The following DBNDD1 variants were observed in gnomAD, a reference collection of about 807,000 sequenced individuals.
The protein encoded by DBNDD1 is dysbindin domain-containing protein 1.
DBNDD1 carries 14 observed loss-of-function variants against 17.0 expected under a neutral mutation model. That is an observed-to-expected ratio of 0.82 (90% CI 0.54 to 1.29). DBNDD1 has a LOEUF of 1.29. Among genes scored for constraint, DBNDD1 ranks in the 50% most tolerant of loss-of-function variants. The probability of loss-of-function intolerance (pLI) is 0.00; values close to 1 mark genes in which losing one functional copy is unlikely to be tolerated. For synonymous variants in DBNDD1, 105 were observed against 102.0 expected, an observed-to-expected ratio of 1.03 and a Z score of -0.18; for missense variants, 221 against 216.2, an observed-to-expected ratio of 1.02 and a Z score of -0.14.
At chr16:90,018,767 T>G (rs968626136) in intron 1 of DBNDD1, among the ~76,000 whole-genome samples, 12 of 152,218 alleles carry the variant, frequency 7.9e-5, no homozygotes, top group Admixed American at 2.6e-4. Flanking sequence ...CAGCCACCCT[T>G]GCAGCTCTGG....
chr16:90,006,259 G>C lies in DBNDD1; in HGVS notation c.*76C>G. ...CCTCGTGGGCGGGTGAAGTGTGTCT[G>C]CTGGGTCAGCACTGCCCAGATCTGC... On this transcript the variant is annotated 3_prime_UTR_variant, in exon 4 of 4. Coordinates refer to ENST00000002501, the MANE Select transcript of DBNDD1 (RefSeq NM_001042610.3). 6.7e-7 allele frequency: 1 copy of C among 1,501,292 alleles called. No homozygotes were observed. The highest frequency in any genetic ancestry group is 8.9e-7 in the Non-Finnish European group (1 of 1,118,146). 93.0% of individuals were successfully genotyped at this position (1,501,292 alleles called of 1,614,324 possible). A position where few individuals can be genotyped will look rare whatever the true frequency, so the allele number is the denominator to read the frequency against.
chr16:90,010,714 T>C (rs1161303038), intron 1 of DBNDD1, among the ~76,000 whole-genome samples: 2 of 152,152 alleles, frequency 1.3e-5, no homozygotes, highest in Non-Finnish European at 2.9e-5. Context: ...CCGGGGACAT[T>C]GGCGAGTCTT....
Position 90,008,851 on chromosome 16 carries a change from C to T in DBNDD1, c.252G>A (p.Ser84=), listed in dbSNP as rs769927804. 32 of 1,603,624 alleles carry T rather than the reference C, an allele frequency of 2.0e-5. No homozygotes were observed. Among genetic ancestry groups the T allele is most frequent in the Admixed American group, 1.8e-4 (11 of 59,538 alleles). The change falls in exon 3 of 4, where the codon TCG becomes TCA. Residue 84 remains serine, a synonymous_variant. Coordinates refer to ENST00000002501, the MANE Select transcript of DBNDD1 (RefSeq NM_001042610.3). ...LLDLTELTDM[S]DQELAEVFAD... ...CAAAGACCTCGGCCAGCTCCTGGTCCGACATGTCGGTGAGCTCAGTGAGGT... is the reference window on the plus strand; with the variant it reads ...CAAAGACCTCGGCCAGCTCCTGGTCTGACATGTCGGTGAGCTCAGTGAGGT...
At chr16:90,006,709 G>T (rs983347014) in intron 3 of DBNDD1, 1 of 632,886 alleles carries the variant, frequency 1.6e-6, no homozygotes, top group Non-Finnish European at 2.7e-6. Context: ...GGCCTGGGCA[G>T]GGTCTTTTCT....
intron 1 of DBNDD1, among the ~76,000 whole-genome samples, chr16:90,016,144 C>T (rs1402183185): frequency 6.6e-6 from 1 of 152,138 alleles, no homozygotes; most frequent in East Asian, 1.9e-4. Flanking sequence ...AGCCCCAGAG[C>T]AGGCTGGGAC....
intron 1 of DBNDD1, chr16:90,011,471 G>A (rs2035553948): frequency 5.7e-6 from 2 of 348,774 alleles, no homozygotes; most frequent in Admixed American, 3.5e-5. Context: ...GTGGTTGTGG[G>A]CAGGTGGCCT....
chr16:90,014,514 G>T (rs12920256), intron 1 of DBNDD1, among the ~76,000 whole-genome samples: 119,963 of 151,640 alleles, frequency 0.79, 48,411 homozygotes, highest in South Asian at 0.89. Flanking sequence ...TGAGATGGAG[G>T]TCCCAAGCAG....
Position 90,014,324 on chromosome 16 carries a change from T to A in DBNDD1, c.32-4894A>T, listed in dbSNP as rs563727157. Among the ~76,000 whole-genome samples, 59 of 152,026 alleles carry A rather than the reference T, an allele frequency of 3.9e-4. 1 individual carries two copies. In the East Asian group the frequency reaches 5.3e-3, roughly 14 times the overall value. ...GTATCTTTAGTAGAGATGGGGTTTC[T>A]CCCTGTTGGCCAGGCTGGTCTTGAA... is the stretch of plus-strand genomic sequence containing the variant. On this transcript the variant is annotated intron_variant, in intron 1 of 3. Transcript: ENST00000002501.
intron 1 of DBNDD1, among the ~76,000 whole-genome samples, chr16:90,015,914 TTAGA>T (rs1002185807): frequency 3.3e-4 from 50 of 152,204 alleles, no homozygotes; most frequent in Admixed American, 8.5e-4. Flanking sequence ...TATTATAAAA[TTAGA>T]TAGTGGTGGT....
Position 90,019,236 on chromosome 16 carries a change from G to A in DBNDD1, c.31+75C>T. 2 of 765,922 alleles carry A rather than the reference G, an allele frequency of 2.6e-6. No homozygotes were observed. Among genetic ancestry groups the A allele is most frequent in the Non-Finnish European group, 3.5e-6 (2 of 567,478 alleles). The allele number at this position is 765,922 out of a possible 1,614,324, so 47.4% of individuals were successfully genotyped here. ...GACTCCCGGGAGCGGCGAAGGGTGA[G>A]CCCTGGGGGGAGGGGCTGCGGCTCG... On this transcript the variant is annotated intron_variant, in intron 1 of 3. Transcript: ENST00000002501. This position sits in a 1 kb window ranked among gnomAD's most constrained non-coding sequence, Gnocchi z 6.1.
intron 1 of DBNDD1, among the ~76,000 whole-genome samples, chr16:90,014,733 G>C (rs529850309): frequency 6.6e-6 from 1 of 152,072 alleles, no homozygotes; most frequent in African/African-American, 2.4e-5. Context: ...GGCCGGGCGC[G>C]GTGGCTCACG....
At chr16:90,010,244 C>G (rs1288748449) in intron 1 of DBNDD1, 1 of 503,254 alleles carries the variant, frequency 2.0e-6, no homozygotes, top group Non-Finnish European at 3.5e-6. Context: ...CGGGGTTTCA[C>G]CATGTTGGCC....
Position 90,019,264 on chromosome 16 carries a change from GC to G in DBNDD1, c.31+46del. 9.1e-7 allele frequency: 1 copy of G among 1,100,398 alleles called. No homozygotes were observed. The highest frequency in any genetic ancestry group is 1.1e-6 in the Non-Finnish European group (1 of 871,216). The allele number at this position is 1,100,398 out of a possible 1,614,324, so 68.2% of individuals were successfully genotyped here. On this transcript the variant is annotated intron_variant, in intron 1 of 3. Coordinates refer to ENST00000002501, the MANE Select transcript of DBNDD1 (RefSeq NM_001042610.3). The surrounding 1 kb of genome is among the most constrained non-coding windows in gnomAD (Gnocchi z 6.1). ...CTGGGGGGAGGGGCTGCGGCTCGCT[GC>G]GGGGAAGCGCTGCGCGGGGGTCTCG...
intron 1 of DBNDD1, among the ~76,000 whole-genome samples, chr16:90,017,207 C>A (rs1330191900): frequency 6.6e-6 from 1 of 152,234 alleles, no homozygotes; most frequent in Non-Finnish European, 1.5e-5. Context: ...TTATAAAAAT[C>A]CTATTTTGCC....
rs2035528445 is a variant in DBNDD1 at position 90,010,281 on chromosome 16, C to T, written c.32-851G>A. ...GGCTGAACTCCTGACCTCAGGTGATCCGCCCGCCTCAGCCTCCCAAAGTGC... is the reference window on the plus strand; with the variant it reads ...GGCTGAACTCCTGACCTCAGGTGATTCGCCCGCCTCAGCCTCCCAAAGTGC... On this transcript the variant is annotated intron_variant, in intron 1 of 3. Coordinates refer to ENST00000002501, the MANE Select transcript of DBNDD1 (RefSeq NM_001042610.3). 5 of 394,832 alleles carry T rather than the reference C, an allele frequency of 1.3e-5. No homozygotes were observed. The South Asian group carries it at 1.7e-4, about 13-fold the overall frequency. The allele number at this position is 394,832 out of a possible 1,614,324, so 24.5% of individuals were successfully genotyped here.
chr16:90,011,068 G>A (rs150246110), intron 1 of DBNDD1, among the ~76,000 whole-genome samples: 1,884 of 152,364 alleles, frequency 0.012, 14 homozygotes, highest in Admixed American at 0.019. Flanking sequence ...CCCAGCGCAC[G>A]CTTGTCAGAT....
intron 1 of DBNDD1, among the ~76,000 whole-genome samples, chr16:90,013,726 C>T (rs144752073): frequency 9.2e-5 from 14 of 152,322 alleles, no homozygotes; most frequent in African/African-American, 3.4e-4. Flanking sequence ...CATTCATTCA[C>T]CCAACCAAGA....
intron 1 of DBNDD1, among the ~76,000 whole-genome samples, chr16:90,016,136 C>G (rs1186016291): frequency 6.6e-6 from 1 of 152,188 alleles, no homozygotes; most frequent in Non-Finnish European, 1.5e-5. Context: ...CCAGGCACAG[C>G]CCCAGAGCAG....
Position 90,008,922 on chromosome 16 carries a change from G to C in DBNDD1, c.181C>G (p.Pro61Ala). ...TCCAGAGAGGAGACGCTGCTCAGAGGCTCTGAGGGCAGAGGGGGTACAGTC... is the reference window on the plus strand; with the variant it reads ...TCCAGAGAGGAGACGCTGCTCAGAGCCTCTGAGGGCAGAGGGGGTACAGTC... ...GLLQVTERRQ[P>A]LSSVSSLEVH... The change falls in exon 3 of 4, where the codon CCT becomes GCT. Residue 61 changes from proline to alanine, a missense_variant and splice_region_variant. Transcript: ENST00000002501. 6.4e-7 allele frequency: 1 copy of C among 1,557,180 alleles called. No individual in the cohort carries two copies. Among genetic ancestry groups the C allele is most frequent in the Non-Finnish European group, 8.7e-7 (1 of 1,145,610 alleles).
Sources: allele counts gnomAD v4.1 joint callset (sites outside exome capture counted in the v4.1 genomes callset), GRCh38; gene constraint gnomAD v4.1.1; non-coding constraint Gnocchi (gnomAD v3.1); transcripts MANE v1.5; gene names NCBI Gene and HGNC (gene_info 2026-07-23, HGNC 2026-07-21).